The following MICAL3 variants were observed in gnomAD, a reference collection of about 807,000 sequenced individuals.
The protein encoded by MICAL3 is microtubule associated monooxygenase, calponin and LIM domain containing 3.
In MICAL3, 62 loss-of-function variants were observed where a neutral mutation model predicts 207.4. That is an observed-to-expected ratio of 0.30 (90% CI 0.24 to 0.37). The LOEUF (loss-of-function observed/expected upper bound fraction) is 0.37. Among genes scored for constraint, MICAL3 ranks in the 10% least tolerant of loss-of-function variants. The probability of loss-of-function intolerance (pLI) is 1.00; values close to 1 mark genes in which losing one functional copy is unlikely to be tolerated. For synonymous variants in MICAL3, 1,077 were observed against 1,069.3 expected (o/e 1.01, Z -0.14); for missense variants, 2,368 against 2,635.6 (o/e 0.90, Z 2.22).
At chr22:17,987,408 A>C (rs1304140641) in intron 1 of MICAL3, among the ~76,000 whole-genome samples, 3 of 152,170 alleles carry the variant, frequency 2.0e-5, no homozygotes, top group Admixed American at 2.0e-4. Flanking sequence ...TTTGTGAAGG[A>C]AAGTACGGTC....
chr22:17,830,423 TGCGTGAAGGAAA>T (rs759557374), intron 21 of MICAL3, among the ~76,000 whole-genome samples: 4 of 152,216 alleles, frequency 2.6e-5, no homozygotes, highest in Non-Finnish European at 5.9e-5. Context: ...AAATTAAGTC[TGCGTGAAGGAAA>T]GCTCGGCTCA....
intron 1 of MICAL3, among the ~76,000 whole-genome samples, chr22:18,013,585 T>G (rs1923875521): frequency 6.6e-6 from 1 of 152,176 alleles, no homozygotes; most frequent in Non-Finnish European, 1.5e-5. Context: ...GCACAATGGG[T>G]GTAGCAATGC....
intron 27 of MICAL3, chr22:17,811,291 T>C (rs1270944428): frequency 1.3e-5 from 2 of 154,374 alleles, no homozygotes; most frequent in African/African-American, 4.8e-5. Flanking sequence ...CAAAGAGAAA[T>C]CGGGATCCTT....
intron 19 of MICAL3, chr22:17,858,370 G>T: frequency 1.6e-6 from 1 of 624,610 alleles, no homozygotes; most frequent in Non-Finnish European, 2.0e-6. Context: ...GCTGGCACTT[G>T]TGAGGCGCTT....
intron 1 of MICAL3, among the ~76,000 whole-genome samples, chr22:17,916,464 A>G (rs1285514175): frequency 2.0e-5 from 3 of 152,186 alleles, no homozygotes; most frequent in Non-Finnish European, 4.4e-5. Flanking sequence ...AAACTCGCTG[A>G]AAGAATTGTC....
chr22:17,994,252 T>A (rs1382940305), intron 1 of MICAL3, among the ~76,000 whole-genome samples: 1 of 152,200 alleles, frequency 6.6e-6, no homozygotes, highest in African/African-American at 2.4e-5. Flanking sequence ...GTAAGCTGAC[T>A]TTCTGTGGGC....
chr22:17,850,623 G>T (rs1873831582), intron 19 of MICAL3, among the ~76,000 whole-genome samples: 2 of 151,930 alleles, frequency 1.3e-5, no homozygotes, highest in South Asian at 4.2e-4. Context: ...TGTTGGTCAG[G>T]ATGGTCTCGA....
intron 11 of MICAL3, among the ~76,000 whole-genome samples, chr22:17,891,901 C>A (rs2146234391): frequency 6.6e-6 from 1 of 152,356 alleles, no homozygotes; most frequent in Middle Eastern, 3.4e-3. Flanking sequence ...CACAGCCTGA[C>A]AGCCACAACC....
chr22:17,804,220 T>C (rs915586023), intron 29 of MICAL3, among the ~76,000 whole-genome samples: 3 of 152,078 alleles, frequency 2.0e-5, no homozygotes, highest in Non-Finnish European at 4.4e-5. Context: ...CTTCTCTAAC[T>C]AAGAGTTAAT....
Position 17,902,728 on chromosome 22 carries a change from T to C in MICAL3, c.492A>G (p.Leu164=). ...IDHISIRQLQ[L]ILLKVALILG... is the part of the protein sequence containing the mutation. ...GGATCAAGGCTACTTTCAAAAGTATTAGTTGGAGCTGACGGATACCTGGGA... is the reference window on the plus strand; with the variant it reads ...GGATCAAGGCTACTTTCAAAAGTATCAGTTGGAGCTGACGGATACCTGGGA... The change falls in exon 4 of 32, where the codon CTA becomes CTG. Residue 164 remains leucine, a synonymous_variant. Transcript: ENST00000441493. This position sits in a 1 kb window ranked among gnomAD's most constrained non-coding sequence, Gnocchi z 4.5. The C allele has an allele frequency of 3.1e-6, 5 of 1,596,932 alleles. No individual in the cohort carries two copies. In the East Asian group the frequency reaches 1.1e-4, roughly 36 times the overall value.
chr22:17,824,360 G>C (rs1451873552), intron 22 of MICAL3, among the ~76,000 whole-genome samples: 1 of 152,236 alleles, frequency 6.6e-6, no homozygotes, highest in East Asian at 1.9e-4. Flanking sequence ...GATGGCGCCC[G>C]GTTAGGTGGA....
intron 1 of MICAL3, among the ~76,000 whole-genome samples, chr22:17,972,910 G>A (rs554588744): frequency 2.0e-5 from 3 of 152,182 alleles, no homozygotes; most frequent in East Asian, 1.9e-4. Context: ...GCCCCCAAGC[G>A]CCTGCAGCCC....
chr22:17,825,752 C>T (rs369129434), intron 22 of MICAL3, among the ~76,000 whole-genome samples: 1 of 152,158 alleles, frequency 6.6e-6, no homozygotes, highest in African/African-American at 2.4e-5. Context: ...GGAGGCTGCA[C>T]GGACACTCCA....
chr22:17,988,399 C>T (rs185752383), intron 1 of MICAL3, among the ~76,000 whole-genome samples: 1 of 151,296 alleles, frequency 6.6e-6, no homozygotes, highest in Admixed American at 6.6e-5. Flanking sequence ...CACACCACCA[C>T]CCACACGCCA....
intron 7 of MICAL3, chr22:17,899,203 G>C (rs143717800): frequency 3.6e-6 from 2 of 548,720 alleles, no homozygotes; most frequent in African/African-American, 3.8e-5. Flanking sequence ...GTTGAGAACT[G>C]TGAAAGCTGG....
At position 17,904,657 on chromosome 22, in the gene MICAL3, G is replaced by C. The variant is rs1931587017; in HGVS notation, c.447C>G (p.Phe149Leu). The C allele has an allele frequency of 6.2e-7, 1 of 1,613,944 alleles. No homozygotes were observed. The highest frequency in any genetic ancestry group is 8.5e-7 in the Non-Finnish European group (1 of 1,179,890). Residue 149 changes from phenylalanine (F) to leucine (L), a missense_variant, in exon 3 of 32, where the codon TTC becomes TTG. Coordinates refer to ENST00000441493, the MANE Select transcript of MICAL3 (RefSeq NM_015241.3). ...GLGAKKFYGK[F>L]CAGAIDHISI... ...TGATATGGTCGATGGCTCCAGCACA[G>C]AACTTGCCATAGAACTTCTTGGCAC... is the stretch of plus-strand genomic sequence containing the variant.
intron 16 of MICAL3, among the ~76,000 whole-genome samples, chr22:17,884,795 CAATG>C (rs1470951176): frequency 6.6e-6 from 1 of 152,212 alleles, no homozygotes. Flanking sequence ...AACCGTTTAT[CAATG>C]AATATCATCA....
chr22:17,819,113 G>C lies in MICAL3; in HGVS notation c.3548C>G (p.Pro1183Arg). Reference protein sequence around the residue: ...SPSTEGPQLPPVPAATQEKSP... With the variant: ...SPSTEGPQLPRVPAATQEKSP... ...TTTCTCCTGGGTGGCGGCAGGGACA[G>C]GTGGGAGTTGGGGCCCCTACAGGGA... The change falls in exon 26 of 32, where the codon CCT (proline) becomes CGT (arginine). Residue 1183 changes from proline (P) to arginine (R), a missense_variant. Coordinates refer to ENST00000441493, the MANE Select transcript of MICAL3 (RefSeq NM_015241.3). 1 of 1,496,352 alleles carries C rather than the reference G, an allele frequency of 6.7e-7. No homozygotes were observed. Among genetic ancestry groups the C allele is most frequent in the Non-Finnish European group, 8.9e-7 (1 of 1,119,708 alleles). The allele number at this position is 1,496,352 out of a possible 1,614,324, so 92.7% of individuals were successfully genotyped here. A position where few individuals can be genotyped will look rare whatever the true frequency, so the allele number is the denominator to read the frequency against.
chr22:17,863,354 T>C (rs2146135135), intron 19 of MICAL3: 1 of 985,388 alleles, frequency 1.0e-6, no homozygotes, highest in South Asian at 4.7e-5. Flanking sequence ...CCCAGACTAA[T>C]AAGGTGGTGC....
Sources: allele counts gnomAD v4.1 joint callset (sites outside exome capture counted in the v4.1 genomes callset), GRCh38; gene constraint gnomAD v4.1.1; non-coding constraint Gnocchi (gnomAD v3.1); transcripts MANE v1.5; gene names NCBI Gene and HGNC (gene_info 2026-07-23, HGNC 2026-07-21).